Variants in APBB2 observed in about 807,000 individuals in gnomAD.
APBB2 encodes the protein amyloid beta precursor protein binding family B member 2.
Under a neutral mutation model 82.5 loss-of-function variants are expected in APBB2, and 38 were observed. That is an observed-to-expected ratio of 0.46 (90% CI 0.36 to 0.60). The LOEUF is 0.60. Among genes scored for constraint, APBB2 ranks in the 20% least tolerant of loss-of-function variants. The pLI is 0.00. For missense variants in APBB2, 772 were observed against 972.3 expected, an observed-to-expected ratio of 0.79 and a Z score of 2.74; for synonymous variants, 341 against 368.2, an observed-to-expected ratio of 0.93 and a Z score of 0.85.
chr4:40,938,364 T>C (rs907741638), intron 7 of APBB2, among the ~76,000 whole-genome samples: 3 of 152,194 alleles, frequency 2.0e-5, no homozygotes, highest in Non-Finnish European at 2.9e-5. Flanking sequence ...GGTATGGCAC[T>C]CCTCAAAACC....
intron 2 of APBB2, chr4:41,138,244 T>C (rs1340302031): frequency 2.0e-5 from 3 of 152,130 alleles, no homozygotes; most frequent in East Asian, 3.9e-4. Flanking sequence ...AAAGAGTTTT[T>C]AGAAACATCA....
chr4:41,158,370 A>G (rs1462836435), intron 1 of APBB2, among the ~76,000 whole-genome samples: 1 of 152,226 alleles, frequency 6.6e-6, no homozygotes, highest in Non-Finnish European at 1.5e-5. Context: ...TATGTCTAAG[A>G]GGCTATGCCC....
At chr4:41,040,279 C>A (rs1720847751) in intron 4 of APBB2, among the ~76,000 whole-genome samples, 1 of 152,146 alleles carries the variant, frequency 6.6e-6, no homozygotes, top group Non-Finnish European at 1.5e-5. Context: ...CAAAAACATA[C>A]CGATTCCCTC....
chr4:40,823,940 C>T (rs1285003850), intron 15 of APBB2, among the ~76,000 whole-genome samples, 181 bp from the exon 16 acceptor site: 3 of 152,250 alleles, frequency 2.0e-5, no homozygotes, highest in South Asian at 2.1e-4. Context: ...TAGTGGCTCA[C>T]GCCTGTAATC....
At chr4:40,898,391 G>A (rs1192221422) in intron 10 of APBB2, among the ~76,000 whole-genome samples, 1 of 152,110 alleles carries the variant, frequency 6.6e-6, no homozygotes, top group Non-Finnish European at 1.5e-5. Context: ...AGCCTCCCGA[G>A]TAGCTGGGAT....
intron 12 of APBB2, among the ~76,000 whole-genome samples, chr4:40,849,108 T>G (rs4861069): frequency 0.23 from 34,270 of 152,048 alleles, 4,221 homozygotes; most frequent in Admixed American, 0.34. Context: ...GCTAAGGGAA[T>G]GATGCCACAA....
intron 10 of APBB2, among the ~76,000 whole-genome samples, chr4:40,908,784 C>A (rs1222254510): frequency 1.3e-5 from 2 of 152,160 alleles, no homozygotes; most frequent in Admixed American, 6.5e-5. Context: ...ACCTCAGAGC[C>A]GACAATGGGG....
intron 4 of APBB2, among the ~76,000 whole-genome samples, chr4:41,058,290 T>A (rs115979628): frequency 0.022 from 3,044 of 141,064 alleles, 116 homozygotes; most frequent in African/African-American, 0.075. Context: ...AAGAGAGGTT[T>A]AAAAAAAAAA....
intron 6 of APBB2, among the ~76,000 whole-genome samples, chr4:40,998,266 T>C (rs1804197829): frequency 6.6e-6 from 1 of 152,206 alleles, no homozygotes; most frequent in Admixed American, 6.5e-5. Context: ...ATGAAATGTT[T>C]CAACATTTGG....
intron 4 of APBB2, among the ~76,000 whole-genome samples, chr4:41,038,132 C>T (rs907642807): frequency 2.3e-4 from 35 of 151,728 alleles, no homozygotes; most frequent in African/African-American, 7.5e-4. Context: ...TATGATAATG[C>T]TACTAGGGAT....
intron 6 of APBB2, among the ~76,000 whole-genome samples, chr4:40,970,967 TAACTA>T (rs1324873506): frequency 6.6e-6 from 1 of 152,204 alleles, no homozygotes; most frequent in Non-Finnish European, 1.5e-5. Context: ...CAAGGTCCAA[TAACTA>T]AACAGTCCCC....
intron 6 of APBB2, among the ~76,000 whole-genome samples, chr4:40,997,464 A>G (rs1027891306): frequency 2.0e-5 from 3 of 152,216 alleles, no homozygotes; most frequent in African/African-American, 7.2e-5. Context: ...TAACAAAAGC[A>G]AGGTCAGTTA....
chr4:41,025,151 C>T (rs886662101), intron 5 of APBB2, among the ~76,000 whole-genome samples: 3 of 152,078 alleles, frequency 2.0e-5, no homozygotes, highest in African/African-American at 7.2e-5. Context: ...TCCTTCACTC[C>T]CACAACCCTA....
chr4:41,160,689 T>C (rs1477203231), intron 1 of APBB2, among the ~76,000 whole-genome samples: 1 of 152,142 alleles, frequency 6.6e-6, no homozygotes, highest in Non-Finnish European at 1.5e-5. Context: ...CATCTCACAT[T>C]GCAATGAGCT....
chr4:40,928,593 A>T (rs184103481), intron 10 of APBB2, among the ~76,000 whole-genome samples: 318 of 144,436 alleles, frequency 2.2e-3, no homozygotes, highest in African/African-American at 5.4e-3. Context: ...AAATAATTTT[A>T]AAAAAAATGT....
intron 10 of APBB2, among the ~76,000 whole-genome samples, chr4:40,914,010 C>T (rs1408554474): frequency 1.3e-5 from 2 of 151,946 alleles, no homozygotes; most frequent in Non-Finnish European, 2.9e-5. Flanking sequence ...CTGAGATGGG[C>T]GGACCACCTG....
At chr4:40,955,655 G>A (rs943464576) in intron 6 of APBB2, among the ~76,000 whole-genome samples, 1 of 152,170 alleles carries the variant, frequency 6.6e-6, no homozygotes, top group Non-Finnish European at 1.5e-5. Context: ...GCTCGTGCCT[G>A]TAATCTCAGC....
chr4:41,048,196 C>T (rs1223278674), intron 4 of APBB2, among the ~76,000 whole-genome samples: 1 of 152,214 alleles, frequency 6.6e-6, no homozygotes, highest in East Asian at 1.9e-4. Flanking sequence ...CTCCAATGAG[C>T]ATTTCCTTTG....
chr4:40,892,933 T>G (rs1772461209), intron 11 of APBB2: 1 of 202,384 alleles, frequency 4.9e-6, no homozygotes, highest in Non-Finnish European at 9.8e-6. Flanking sequence ...CAGGTCCTTC[T>G]TCCAGTCTGC....
Sources: gnomAD v4.1 joint callset for allele counts (sites outside exome capture counted in the v4.1 genomes callset) on GRCh38, gnomAD v4.1.1 for gene constraint, MANE v1.5 for transcripts, NCBI Gene and HGNC (gene_info 2026-07-23, HGNC 2026-07-21) for gene names.